The following ZNF541 variants were observed in gnomAD, a reference collection of about 807,000 sequenced individuals.
ZNF541 encodes zinc finger protein 541.
In ZNF541, 23 loss-of-function variants were observed where a neutral mutation model predicts 123.5. The ratio of observed to expected loss-of-function variants is 0.19; its 90% CI spans 0.13 to 0.26. ZNF541 has a LOEUF of 0.26. Ranked by LOEUF, ZNF541 falls within the 10% of genes least tolerant of loss-of-function variation. The probability of loss-of-function intolerance (pLI) is 1.00; values close to 1 mark genes in which losing one functional copy is unlikely to be tolerated. For synonymous variants in ZNF541, 751 were observed against 754.5 expected (o/e 1.00, Z 0.08); for missense variants, 1,612 against 1,789.9 (o/e 0.90, Z 1.79).
chr19:47,556,745 AT>A lies in ZNF541; in HGVS notation c.-98-792del, dbSNP rs943279417. ...TATATAGATTAAATGTGGAATGATAATTTTTTTTCTTTTCCTTTTTTTTTTT... is the reference window on the plus strand; with the variant it reads ...TATATAGATTAAATGTGGAATGATAATTTTTTTCTTTTCCTTTTTTTTTTT... On this transcript the variant is annotated intron_variant, in intron 2 of 16. Coordinates refer to ENST00000391901, the MANE Select transcript of ZNF541 (RefSeq NM_001277075.3). 5.5e-5 allele frequency among the ~76,000 whole-genome samples: 8 copies of A among 146,436 alleles called. No individual in the cohort carries two copies. In the East Asian group the frequency reaches 6.0e-4, roughly 11 times the overall value.
chr19:47,569,515 G>C (rs931820243), intron 2 of ZNF541, among the ~76,000 whole-genome samples: 4 of 152,012 alleles, frequency 2.6e-5, no homozygotes, highest in Non-Finnish European at 1.5e-5. Flanking sequence ...TCACACACTT[G>C]AGACTGGGAC....
chr19:47,526,481 C>CAAAAAAAAA (rs71180847), intron 14 of ZNF541, among the ~76,000 whole-genome samples: 2 of 34,964 alleles, frequency 5.7e-5, no homozygotes, highest in Non-Finnish European at 1.0e-4. Context: ...GACTCCATCT[C>CAAAAAAAAA]AAAAAAAAAA....
Position 47,545,002 on chromosome 19 carries a change from G to C in ZNF541, c.1527C>G (p.Asp509Glu), listed in dbSNP as rs756267198. 1 of 1,522,422 alleles carries C rather than the reference G, an allele frequency of 6.6e-7. No homozygotes were observed. The highest frequency in any genetic ancestry group is 1.2e-5 in the South Asian group (1 of 82,454). The allele number at this position is 1,522,422 out of a possible 1,614,324, so 94.3% of individuals were successfully genotyped here. A position where few individuals can be genotyped will look rare whatever the true frequency, so the allele number is the denominator to read the frequency against. The change falls in exon 5 of 17, where the codon GAC becomes GAG. Residue 509 changes from aspartate (D) to glutamate (E), a missense_variant. This residue lies in a region of ZNF541 where 1,080 missense variants were observed against 1,013.8 expected (regional missense o/e 1.07). Transcript: ENST00000391901. The surrounding 1 kb of genome is among the most constrained non-coding windows in gnomAD (Gnocchi z 7.5). ...CCCCGGGGTTCTGGCACAGGAAGGAGTCGCAGTCGACCTTGACCTTCTTGG... is the reference window on the plus strand; with the variant it reads ...CCCCGGGGTTCTGGCACAGGAAGGACTCGCAGTCGACCTTGACCTTCTTGG... Reference protein sequence around the residue: ...CAPKKVKVDCDSFLCQNPGEP... With the variant: ...CAPKKVKVDCESFLCQNPGEP...
intron 14 of ZNF541, among the ~76,000 whole-genome samples, chr19:47,525,336 A>G (rs918939781): frequency 1.3e-5 from 2 of 151,678 alleles, no homozygotes; most frequent in African/African-American, 4.8e-5. Flanking sequence ...GAGCCAATGC[A>G]GTACCAATCA....
At chr19:47,555,091 C>T (rs1454704737) in intron 3 of ZNF541, among the ~76,000 whole-genome samples, 10 of 150,992 alleles carry the variant, frequency 6.6e-5, no homozygotes, top group African/African-American at 1.9e-4. Context: ...AAGAATTGGC[C>T]GGGTGCGGTG....
intron 1 of ZNF541, among the ~76,000 whole-genome samples, chr19:47,572,521 A>C (rs1971510871): frequency 6.6e-6 from 1 of 152,112 alleles, no homozygotes; most frequent in South Asian, 2.1e-4. Context: ...CGCTAAGGGA[A>C]GTTACTTAAA....
In ZNF541 at chr19:47,549,395, C is replaced by T. The variant is rs1055595913; in HGVS notation, c.398G>A (p.Ser133Asn). ...GSARKGKRQH[S>N]SPQNPLLDCS... is the part of the protein sequence containing the mutation. ...GTCCAGAAGTGGGTTTTGAGGGGAA[C>T]TGTGCTGCCGCTTTCCTTTCCTGGC... Residue 133 changes from serine to asparagine, a missense_variant, in exon 4 of 17, where the codon AGT becomes AAT. This residue lies in a region of ZNF541 where 212 missense variants were observed against 289.6 expected (regional missense o/e 0.73). Transcript: ENST00000391901. The T allele has an allele frequency of 7.1e-6, 11 of 1,551,598 alleles. No homozygotes were observed. In the African/African-American group the frequency reaches 1.2e-4, roughly 17 times the overall value.
chr19:47,555,656 C>T lies in ZNF541; in HGVS notation c.201G>A (p.Val67=). Residue 67 remains valine, a synonymous_variant, in exon 3 of 17, where the codon GTG becomes GTA. Transcript: ENST00000391901. The stretch of plus-strand genomic sequence containing the variant: ...ACAAGGTGTCTAAGTTGTCCTCCAG[C>T]ACCTCGCTGGACATGTCAGGCGTTG... The part of the protein sequence containing the change: ...SLPTPDMSSE[V]LEDNLDTLSL... 1 of 1,551,706 alleles carries T rather than the reference C, an allele frequency of 6.4e-7. No homozygotes were observed. The highest frequency in any genetic ancestry group is 1.2e-5 in the South Asian group (1 of 84,058).
At chr19:47,528,354 G>C (rs1969406081) in intron 14 of ZNF541, among the ~76,000 whole-genome samples, 1 of 146,058 alleles carries the variant, frequency 6.8e-6, no homozygotes, top group African/African-American at 2.5e-5. Flanking sequence ...GTCCTACTCT[G>C]TTGCCCAGCC....
chr19:47,562,571 CA>C (rs909124471), intron 2 of ZNF541, among the ~76,000 whole-genome samples: 1 of 151,634 alleles, frequency 6.6e-6, no homozygotes, highest in African/African-American at 2.4e-5. Flanking sequence ...AAAAACAAAA[CA>C]AAAAAAACCA....
In ZNF541 at chr19:47,545,727, G is replaced by A. The variant is rs1970322602; in HGVS notation, c.802C>T (p.Leu268Phe). ...VPPEARSPGS[L>F]LPHRDLLRRI... Reference sequence around the variant, plus strand: ...CGCAGGAGGTCCCGGTGGGGCAGGAGGGAGCCGGGGGACCTGGCCTCTGGG... The same window carrying A: ...CGCAGGAGGTCCCGGTGGGGCAGGAAGGAGCCGGGGGACCTGGCCTCTGGG... Residue 268 changes from leucine to phenylalanine, a missense_variant, in exon 5 of 17, where the codon CTC becomes TTC. Leu to Phe is a conservative substitution (Grantham distance 22). Coordinates refer to ENST00000391901, the MANE Select transcript of ZNF541 (RefSeq NM_001277075.3). The surrounding 1 kb of genome is among the most constrained non-coding windows in gnomAD (Gnocchi z 7.5). The A allele has an allele frequency of 6.5e-7, 1 of 1,545,618 alleles. No individual in the cohort carries two copies. Among genetic ancestry groups the A allele is most frequent in the Admixed American group, 2.0e-5 (1 of 50,942 alleles).
chr19:47,532,009 C>G, intron 11 of ZNF541, 119 bp downstream of exon 11: 1 of 1,355,974 alleles, frequency 7.4e-7, no homozygotes, highest in Non-Finnish European at 9.9e-7. Context: ...CTCCCTCCCA[C>G]GCCCAGGGGA....
chr19:47,531,801 G>C (rs1356913333), intron 11 of ZNF541, 56 bp from the exon 12 acceptor site: 10 of 1,438,196 alleles, frequency 7.0e-6, no homozygotes, highest in Non-Finnish European at 5.7e-6. Context: ...TCAGGTGCTA[G>C]GGAGGAACCT....
rs1411362105 is a variant in ZNF541 at position 47,545,666 on chromosome 19, G to A, written c.863C>T (p.Pro288Leu). 1 of 1,549,370 alleles carries A rather than the reference G, an allele frequency of 6.5e-7. No individual in the cohort carries two copies. The highest frequency in any genetic ancestry group is 1.2e-5 in the South Asian group (1 of 84,048). ...IVSSIVHQKT[P>L]SPGPAPAGAS... Reference sequence around the variant, plus strand: ...CCCCGCCGGGGCTGGGCCAGGAGAAGGGGTCTTCTGGTGGACGATGCTACT... The same window carrying A: ...CCCCGCCGGGGCTGGGCCAGGAGAAAGGGTCTTCTGGTGGACGATGCTACT... The change falls in exon 5 of 17, where the codon CCT becomes CTT. Residue 288 changes from proline (P) to leucine (L), a missense_variant. Coordinates refer to ENST00000391901, the MANE Select transcript of ZNF541 (RefSeq NM_001277075.3). This position sits in a 1 kb window ranked among gnomAD's most constrained non-coding sequence, Gnocchi z 7.5.
intron 14 of ZNF541, among the ~76,000 whole-genome samples, chr19:47,527,737 T>A (rs1364972207): frequency 1.3e-5 from 2 of 151,786 alleles, no homozygotes; most frequent in African/African-American, 2.4e-5. Context: ...TTCACTCTTG[T>A]TGTCCAGGCT....
chr19:47,537,543 G>A (rs896862670), intron 9 of ZNF541, among the ~76,000 whole-genome samples: 4 of 137,352 alleles, frequency 2.9e-5, no homozygotes, highest in African/African-American at 5.6e-5. Context: ...TGGCCTGGGT[G>A]ATAGAGTGAT....
At chr19:47,531,834 G>C (rs1969586669) in intron 11 of ZNF541, 89 bp from the exon 12 acceptor site, 1 of 1,215,664 alleles carries the variant, frequency 8.2e-7, no homozygotes, top group African/African-American at 1.5e-5. Context: ...AGCAGAGAGG[G>C]GGTGCCTTCC....
At chr19:47,556,451 A>AT (rs2123301369) in intron 2 of ZNF541, among the ~76,000 whole-genome samples, 1 of 152,212 alleles carries the variant, frequency 6.6e-6, no homozygotes, top group Admixed American at 6.5e-5. Context: ...TTTTCTTTTA[A>AT]TTTTTTACAG....
At chr19:47,571,241 T>C (rs1367540704) in intron 2 of ZNF541, among the ~76,000 whole-genome samples, 2 of 151,946 alleles carry the variant, frequency 1.3e-5, no homozygotes, top group Non-Finnish European at 2.9e-5. Flanking sequence ...GCCTTCCCAG[T>C]AGCTGGGACT....
Sources: allele counts gnomAD v4.1 joint callset (sites outside exome capture counted in the v4.1 genomes callset), GRCh38; gene constraint gnomAD v4.1.1; regional missense constraint gnomAD v4.1.1; non-coding constraint Gnocchi (gnomAD v3.1); transcripts MANE v1.5; gene names NCBI Gene and HGNC (gene_info 2026-07-23, HGNC 2026-07-21).